MAP2K5: variants seen among roughly 807,000 people sequenced by gnomAD.
The protein encoded by MAP2K5 is dual specificity mitogen-activated protein kinase kinase 5.
In MAP2K5, 49 loss-of-function variants were observed where a neutral mutation model predicts 83.1. The ratio of observed to expected loss-of-function variants is 0.59; its 90% confidence interval spans 0.47 to 0.75. The LOEUF is 0.75. Among genes scored for constraint, MAP2K5 ranks in the 30% least tolerant of loss-of-function variants. MAP2K5 has a pLI of 0.00. For missense variants in MAP2K5, 457 were observed against 557.5 expected (o/e 0.82, Z 1.82); for synonymous variants, 202 against 191.8 (o/e 1.05, Z -0.44).
rs77042257 is a variant in MAP2K5 at position 67,587,914 on chromosome 15, G to A, written c.431+1001G>A. 1,005 of 154,608 alleles carry A rather than the reference G, an allele frequency of 6.5e-3. 3 individuals are homozygous for A. The highest frequency in any genetic ancestry group is 0.015 in the South Asian group (75 of 4,848). 9.6% of individuals were successfully genotyped at this position (154,608 alleles called of 1,614,324 possible). A position where few individuals can be genotyped will look rare whatever the true frequency, so the allele number is the denominator to read the frequency against. On this transcript the variant is annotated intron_variant, in intron 6 of 21. Transcript: ENST00000178640. The surrounding 1 kb of genome is among the most constrained non-coding windows in gnomAD (Gnocchi z 4.8). ...TGAGTAGCTCTGCGTCTTTCTACTC[G>A]CCAGCATCCCTGCTGCTGTGTGGGT...
chr15:67,686,646 ATGT>A (rs1201398536), intron 13 of MAP2K5, among the ~76,000 whole-genome samples: 1 of 150,302 alleles, frequency 6.7e-6, no homozygotes, highest in East Asian at 1.9e-4. Context: ...TAATAATAAC[ATGT>A]TGTAGGGTTT....
intron 16 of MAP2K5, among the ~76,000 whole-genome samples, chr15:67,721,176 T>A (rs560696055): frequency 1.3e-5 from 2 of 152,290 alleles, no homozygotes; most frequent in African/African-American, 4.8e-5. Context: ...ATGTGCAGGA[T>A]GTGCAGGTTT....
At chr15:67,607,330 TTCCTTCTC>T (rs2085801031) in intron 8 of MAP2K5, among the ~76,000 whole-genome samples, 1 of 152,226 alleles carries the variant, frequency 6.6e-6, no homozygotes, top group Non-Finnish European at 1.5e-5. Context: ...TTATGTATGT[TTCCTTCTC>T]TCCTTCTCTC....
chr15:67,569,069 G>T (rs1461157042), intron 3 of MAP2K5, among the ~76,000 whole-genome samples: 4 of 146,232 alleles, frequency 2.7e-5, no homozygotes, highest in Non-Finnish European at 4.5e-5. Context: ...TAAAAGTTTT[G>T]TCCTTACCTA....
At chr15:67,590,225 A>C (rs1166149482) in intron 6 of MAP2K5, among the ~76,000 whole-genome samples, 2 of 152,110 alleles carry the variant, frequency 1.3e-5, no homozygotes, top group Non-Finnish European at 2.9e-5. Flanking sequence ...AAAGTTTAAG[A>C]TGTATTTAGA....
At chr15:67,643,563 T>C (rs1173895996) in intron 9 of MAP2K5, among the ~76,000 whole-genome samples, 2 of 152,214 alleles carry the variant, frequency 1.3e-5, no homozygotes, top group African/African-American at 4.8e-5. Context: ...TCTTCTGCCT[T>C]AGCCTCCCAA....
rs374052210 is a variant in MAP2K5, at chr15:67,646,314, A to G, written c.654+15A>G. The G allele has an allele frequency of 3.5e-6, 5 of 1,442,834 alleles. No homozygotes were observed. The highest frequency in any genetic ancestry group is 1.8e-5 in the Admixed American group (1 of 55,608). The allele number at this position is 1,442,834 out of a possible 1,614,324, so 89.4% of individuals were successfully genotyped here. On this transcript the variant is annotated intron_variant, in intron 10 of 21. Transcript: ENST00000178640. ...TTCTTTATAAGGTAATTTTTTCATA[A>G]TTTTTATTTGTAAAGCATGCCTATG...
chr15:67,700,177 C>G (rs1413779904), intron 15 of MAP2K5, among the ~76,000 whole-genome samples: 1 of 152,124 alleles, frequency 6.6e-6, no homozygotes, highest in African/African-American at 2.4e-5. Flanking sequence ...AGTTAGTTAA[C>G]TAAATGTGGA....
At chr15:67,601,356 G>A (rs2085654507) in intron 8 of MAP2K5, among the ~76,000 whole-genome samples, 2 of 152,132 alleles carry the variant, frequency 1.3e-5, no homozygotes, top group Admixed American at 6.5e-5. Context: ...ATAGTTCTCC[G>A]ACAGGGAGGT....
chr15:67,621,292 A>C (rs2086179570), intron 8 of MAP2K5, among the ~76,000 whole-genome samples: 1 of 152,176 alleles, frequency 6.6e-6, no homozygotes, highest in Non-Finnish European at 1.5e-5. Context: ...GTAATTCTTA[A>C]AGGATAGGTT....
intron 7 of MAP2K5, among the ~76,000 whole-genome samples, chr15:67,599,685 A>ATT (rs10665135): frequency 0.18 from 27,036 of 148,204 alleles, 3,656 homozygotes; most frequent in African/African-American, 0.38. Context: ...CTGGAAATTG[A>ATT]TTTTTTTTTT....
intron 17 of MAP2K5, among the ~76,000 whole-genome samples, chr15:67,734,328 T>G (rs2089292110): frequency 6.6e-6 from 1 of 152,238 alleles, no homozygotes; most frequent in Admixed American, 6.5e-5. Flanking sequence ...GGAGAAAATA[T>G]TTTGTTTAAC....
intron 17 of MAP2K5, among the ~76,000 whole-genome samples, chr15:67,731,746 G>A (rs1033309676): frequency 2.0e-5 from 3 of 152,170 alleles, no homozygotes; most frequent in African/African-American, 7.2e-5. Flanking sequence ...GTTAGGTCTA[G>A]GACTTGCAGA....
rs2084963741 is a variant in MAP2K5, at chr15:67,572,292, C to A, written c.253-8462C>A. The stretch of plus-strand genomic sequence containing the variant: ...GGGCTTGGAGGAAGGTGGGTTAGAC[C>A]ATGGAGGGCCTTAGCCCAGGGAAGT... On this transcript the variant is annotated intron_variant, in intron 3 of 21. Transcript: ENST00000178640. This position sits in a 1 kb window ranked among gnomAD's most constrained non-coding sequence, Gnocchi z 4.2. 6.6e-6 allele frequency among the ~76,000 whole-genome samples: 1 copy of A among 152,076 alleles called. No homozygotes were observed. Among genetic ancestry groups the A allele is most frequent in the South Asian group, 2.1e-4 (1 of 4,822 alleles).
rs191128397 is a variant in MAP2K5, at chr15:67,642,485, G to A, written c.586-3746G>A. ...GCCAGAGCTAGAGATGAATTTTGAT[G>A]GAGGACTTTGAGGTGAGCTTCATGG... is the stretch of plus-strand genomic sequence containing the variant. On this transcript the variant is annotated intron_variant, in intron 9 of 21. Coordinates refer to ENST00000178640, the MANE Select transcript of MAP2K5 (RefSeq NM_145160.3). 2.1e-4 allele frequency: 330 copies of A among 1,577,208 alleles called. No homozygotes were observed. The African/African-American group carries it at 3.9e-3, about 19-fold the overall frequency.
chr15:67,642,312 T>C lies in MAP2K5; in HGVS notation c.586-3919T>C, dbSNP rs796882870. The C allele has an allele frequency of 1.7e-5, 12 of 725,832 alleles. No homozygotes were observed. The African/African-American group carries it at 1.8e-4, about 11-fold the overall frequency. 45.0% of individuals were successfully genotyped at this position (725,832 alleles called of 1,614,324 possible). On this transcript the variant is annotated intron_variant, in intron 9 of 21. Coordinates refer to ENST00000178640, the MANE Select transcript of MAP2K5 (RefSeq NM_145160.3). ...ATCACTTACTAGGCACTACTGTGAG[T>C]TAGACCCTGTGTGGAGTGCTGGGGG...
intron 4 of MAP2K5, among the ~76,000 whole-genome samples, chr15:67,583,064 A>G (rs1022812565): frequency 6.6e-6 from 1 of 152,184 alleles, no homozygotes; most frequent in Non-Finnish European, 1.5e-5. Flanking sequence ...ACGCATCATC[A>G]TCTGTAATCC....
intron 8 of MAP2K5, among the ~76,000 whole-genome samples, chr15:67,609,708 GAATAGACTTTGCAT>G (rs2085874110): frequency 6.7e-6 from 1 of 148,936 alleles, no homozygotes; most frequent in Non-Finnish European, 1.5e-5. Flanking sequence ...TAGGTCTATA[GAATAGACTTTGCAT>G]ATTCTATAAA....
intron 17 of MAP2K5, among the ~76,000 whole-genome samples, chr15:67,732,132 A>G (rs2089236505): frequency 6.6e-6 from 1 of 152,218 alleles, no homozygotes; most frequent in African/African-American, 2.4e-5. Flanking sequence ...TTCTGGAACA[A>G]TTTAGCTTTA....
Sources: allele counts gnomAD v4.1 joint callset (sites outside exome capture counted in the v4.1 genomes callset), GRCh38; gene constraint gnomAD v4.1.1; non-coding constraint Gnocchi (gnomAD v3.1); transcripts MANE v1.5; gene names NCBI Gene and HGNC (gene_info 2026-07-23, HGNC 2026-07-21).